Variants in MTHFD2L observed in about 807,000 individuals in gnomAD.
MTHFD2L encodes methylenetetrahydrofolate dehydrogenase (NADP+ dependent) 2 like.
In MTHFD2L, 29 loss-of-function variants were observed where a neutral mutation model predicts 34.9. The observed-to-expected ratio is 0.83, with a 90% confidence interval of 0.62 to 1.13. The LOEUF is 1.13. Among genes scored for constraint, MTHFD2L ranks in the 50% most tolerant of loss-of-function variants. MTHFD2L has a pLI of 0.00. For missense variants in MTHFD2L, 481 were observed against 446.5 expected (o/e 1.08, Z -0.70); for synonymous variants, 167 against 155.7 (o/e 1.07, Z -0.54).
chr4:74,245,552 G>A (rs1055848170), intron 6 of MTHFD2L, among the ~76,000 whole-genome samples: 11 of 151,878 alleles, frequency 7.2e-5, no homozygotes, highest in Non-Finnish European at 4.4e-5. Flanking sequence ...ATGTATACAT[G>A]TGCCATGCTG....
intron 5 of MTHFD2L, among the ~76,000 whole-genome samples, chr4:74,201,846 C>T (rs1268088582): frequency 6.6e-6 from 1 of 152,108 alleles, no homozygotes; most frequent in South Asian, 2.1e-4. Context: ...AGTGACACTC[C>T]AAGTCACTGA....
At chr4:74,153,762 A>G (rs184511456), upstream of MTHFD2L, among the ~76,000 whole-genome samples, 16 of 152,320 alleles carry the variant, frequency 1.1e-4, no homozygotes, top group Non-Finnish European at 1.6e-4. Context: ...TAAAAAATAG[A>G]CTTTATTTTA....
chr4:74,176,819 T>C (rs964778114), intron 3 of MTHFD2L, among the ~76,000 whole-genome samples: 3 of 152,032 alleles, frequency 2.0e-5, no homozygotes, highest in African/African-American at 7.2e-5. Flanking sequence ...CTTTGTAGTT[T>C]TGAGTTCTGT....
At chr4:74,218,736 G>A (rs1320109394) in intron 5 of MTHFD2L, among the ~76,000 whole-genome samples, 1 of 151,566 alleles carries the variant, frequency 6.6e-6, no homozygotes, top group Non-Finnish European at 1.5e-5. Context: ...CTGTGCTAAT[G>A]ACTAACAACT....
At chr4:74,145,165 A>G (rs1269068030) in intron 1 of MTHFD2L, among the ~76,000 whole-genome samples, 1 of 143,842 alleles carries the variant, frequency 7.0e-6, no homozygotes, top group Non-Finnish European at 1.5e-5. Context: ...TCCATATTTG[A>G]AAAAAAAAAA....
At chr4:74,192,598 A>G (rs1013315819) in intron 3 of MTHFD2L, among the ~76,000 whole-genome samples, 1 of 152,128 alleles carries the variant, frequency 6.6e-6, no homozygotes, top group African/African-American at 2.4e-5. Flanking sequence ...CTATCATATT[A>G]TGGAACATTT....
At chr4:74,190,666 G>C (rs931988785) in intron 3 of MTHFD2L, 13 of 263,256 alleles carry the variant, frequency 4.9e-5, no homozygotes, top group Non-Finnish European at 5.3e-5. Context: ...AAAGTGGTAG[G>C]CATCTGATAA....
intron 3 of MTHFD2L, among the ~76,000 whole-genome samples, chr4:74,178,329 AT>A (rs1470054146): frequency 2.0e-5 from 3 of 152,046 alleles, no homozygotes; most frequent in Non-Finnish European, 4.4e-5. Flanking sequence ...ATATCTACAA[AT>A]TTTTCTTTGT....
intron 7 of MTHFD2L, among the ~76,000 whole-genome samples, chr4:74,298,404 G>T (rs1749886189): frequency 6.6e-6 from 1 of 152,008 alleles, no homozygotes; most frequent in Non-Finnish European, 1.5e-5. Context: ...AGCGAAGTAT[G>T]CAAAAATGCA....
chr4:74,139,592 T>A (rs1355829854), intron 1 of MTHFD2L, among the ~76,000 whole-genome samples: 1 of 152,134 alleles, frequency 6.6e-6, no homozygotes, highest in Non-Finnish European at 1.5e-5. Flanking sequence ...CAAACTTGGT[T>A]CCAGGCAGAC....
rs546494650 is a variant in MTHFD2L at position 74,290,898 on chromosome 4, T to G, written c.931+9348T>G. On this transcript the variant is annotated intron_variant, in intron 7 of 7. Coordinates refer to ENST00000325278, the MANE Select transcript of MTHFD2L (RefSeq NM_001144978.3). ...TACAGGTTTAATTTGCCTTACTCAT[T>G]TTGCTCTTAATGCTATACTGCGTTG... 2.0e-5 allele frequency among the ~76,000 whole-genome samples: 3 copies of G among 152,008 alleles called. No homozygotes were observed. In the East Asian group the frequency reaches 5.8e-4, roughly 29 times the overall value.
chr4:74,142,237 A>G (rs1341939426), intron 1 of MTHFD2L, among the ~76,000 whole-genome samples: 1 of 152,208 alleles, frequency 6.6e-6, no homozygotes, highest in African/African-American at 2.4e-5. Flanking sequence ...CACATTTTAA[A>G]AAATGCTAGT....
At chr4:74,227,674 GT>G (rs1739380701) in intron 6 of MTHFD2L, among the ~76,000 whole-genome samples, 1 of 152,150 alleles carries the variant, frequency 6.6e-6, no homozygotes, top group South Asian at 2.1e-4. Flanking sequence ...GGTAGCCAGG[GT>G]TAACTCATGA....
rs142066030 is a variant in MTHFD2L, at chr4:74,140,216, G to C, written c.-297+14699G>C. ...CTACTCAGGAGGCAGAGGTGGGAAA[G>C]TCACCTGAGCTCAGGCAAGTCAAGA... is the stretch of plus-strand genomic sequence containing the variant. On this transcript the variant is annotated intron_variant, in intron 1 of 7. Coordinates refer to the MTHFD2L transcript ENST00000433372. Among the ~76,000 whole-genome samples the C allele has an allele frequency of 1.3e-3, 195 of 152,128 alleles. 2 individuals carry two copies. The highest frequency in any genetic ancestry group is 3.4e-3 in the Middle Eastern group (1 of 294).
In MTHFD2L at chr4:74,197,175, ATGGT is replaced by A. The variant is rs566292535; in HGVS notation, c.452-2612_452-2609del. Among the ~76,000 whole-genome samples the A allele has an allele frequency of 1.2e-3, 181 of 152,248 alleles. 1 individual carries two copies. Among genetic ancestry groups the A allele is most frequent in the Non-Finnish European group, 1.4e-3 (94 of 67,996 alleles). On this transcript the variant is annotated intron_variant, in intron 3 of 7. Coordinates refer to ENST00000325278, the MANE Select transcript of MTHFD2L (RefSeq NM_001144978.3). ...ATCATTCATTTGGGTAAGATATTAA[ATGGT>A]TGGTTGTTTACCAATGTATCCTGTG...
chr4:74,185,181 C>CAAAAAAAAAA (rs1730964644), intron 3 of MTHFD2L, among the ~76,000 whole-genome samples: 7 of 109,314 alleles, frequency 6.4e-5, no homozygotes, highest in African/African-American at 3.3e-4. Context: ...AAAAAAAAAT[C>CAAAAAAAAAA]TGGAAAATCC....
intron 6 of MTHFD2L, among the ~76,000 whole-genome samples, chr4:74,247,581 G>T (rs1742662084): frequency 6.6e-6 from 1 of 152,148 alleles, no homozygotes; most frequent in Non-Finnish European, 1.5e-5. Flanking sequence ...AATGCTTCCA[G>T]GTTTTGCCCA....
In MTHFD2L at chr4:74,174,504, A is replaced by G; in HGVS notation, c.144-2A>G. 1 of 1,477,118 alleles carries G rather than the reference A, an allele frequency of 6.8e-7. No homozygotes were observed. Among genetic ancestry groups the G allele is most frequent in the Admixed American group, 2.4e-5 (1 of 41,120 alleles). The allele number at this position is 1,477,118 out of a possible 1,614,324, so 91.5% of individuals were successfully genotyped here. On this transcript the variant is annotated splice_acceptor_variant, in intron 1 of 7. Transcript: ENST00000325278. LOFTEE classifies it high-confidence loss of function. ...TAGTATTTATTGTTTTGCTTTCCAC[A>G]GACATGAAGCCATTATTATATCAGG...
intron 6 of MTHFD2L, among the ~76,000 whole-genome samples, chr4:74,280,081 T>C (rs1747234470): frequency 6.6e-6 from 1 of 152,094 alleles, no homozygotes; most frequent in African/African-American, 2.4e-5. Context: ...AGAATACGAA[T>C]GTGAGAACAT....
Sources: gnomAD v4.1 joint callset for allele counts (sites outside exome capture counted in the v4.1 genomes callset) on GRCh38, gnomAD v4.1.1 for gene constraint, MANE v1.5 for transcripts, NCBI Gene and HGNC (gene_info 2026-07-23, HGNC 2026-07-21) for gene names.